The following ABCA6 variants were observed in gnomAD, a reference collection of about 807,000 sequenced individuals.
The protein encoded by ABCA6 is ATP-binding cassette sub-family A member 6.
Under a neutral mutation model 191.2 loss-of-function variants are expected in ABCA6, and 164 were observed. That is an observed-to-expected ratio of 0.86 (90% CI 0.76 to 0.98). The LOEUF (loss-of-function observed/expected upper bound fraction) is 0.98. Ranked by LOEUF, ABCA6 falls within the 50% of genes least tolerant of loss-of-function variation. The pLI, the probability that ABCA6 is intolerant of heterozygous loss-of-function variation, is 0.00. For missense variants in ABCA6, 1,958 were observed against 1,894.1 expected, an observed-to-expected ratio of 1.03 and a Z score of -0.63; for synonymous variants, 636 against 647.7, an observed-to-expected ratio of 0.98 and a Z score of 0.27.
chr17:69,117,393 A>G (rs1309656927), intron 11 of ABCA6, among the ~76,000 whole-genome samples: 1 of 152,106 alleles, frequency 6.6e-6, no homozygotes, highest in African/African-American at 2.4e-5. Flanking sequence ...TCTGTTATAG[A>G]AAACTGTATG....
chr17:69,087,479 G>A lies in ABCA6; in HGVS notation c.3699-6C>T, dbSNP rs1031702129. On this transcript the variant is annotated splice_polypyrimidine_tract_variant and splice_region_variant and intron_variant, in intron 28 of 38. Coordinates refer to ENST00000284425, the MANE Select transcript of ABCA6 (RefSeq NM_080284.3). ...CTCTACTTTGGGGGGAAATTCTATG[G>A]AGAAAATGAAATGTGTTACATGTGG... 2 of 1,613,270 alleles carry A rather than the reference G, an allele frequency of 1.2e-6. No homozygotes were observed. The highest frequency in any genetic ancestry group is 1.7e-6 in the Non-Finnish European group (2 of 1,179,680).
intron 8 of ABCA6, 104 bp from the exon 9 acceptor site, chr17:69,125,139 TTAG>T: frequency 2.0e-6 from 1 of 496,504 alleles, no homozygotes; most frequent in East Asian, 3.7e-5. Context: ...CAAGAGGCAC[TTAG>T]TAGTTACTAG....
intron 8 of ABCA6, among the ~76,000 whole-genome samples, chr17:69,126,651 T>C (rs2073760625): frequency 6.6e-6 from 1 of 151,450 alleles, no homozygotes; most frequent in African/African-American, 2.4e-5. Context: ...CAAAATAAAA[T>C]AAAAATAAAA....
At chr17:69,124,110 A>G (rs779342022) in intron 9 of ABCA6, among the ~76,000 whole-genome samples, 3 of 151,982 alleles carry the variant, frequency 2.0e-5, no homozygotes, top group Non-Finnish European at 4.4e-5. Flanking sequence ...ATACATGGAG[A>G]AACTGTATTT....
intron 19 of ABCA6, 190 bp downstream of exon 19, chr17:69,105,836 AAC>A: frequency 1.4e-6 from 1 of 737,508 alleles, no homozygotes; most frequent in Non-Finnish European, 2.1e-6. Flanking sequence ...ATGAAAACAA[AAC>A]ACACCTGCAC....
Position 69,100,857 on chromosome 17 carries a change from C to T in ABCA6, c.2952G>A (p.Gly984=), listed in dbSNP as rs753595760. ...GTGTGTGATTAAACATTTGAAGTAG[C>T]CCATTGCTGATAATATTCATAAGAA... ...FPILMNIISN[G]LLQMFNHTQH... is the part of the protein sequence containing the mutation. The change falls in exon 22 of 39, where the codon GGG becomes GGA. Residue 984 remains glycine (G), a synonymous_variant. Transcript: ENST00000284425. 5 of 1,612,340 alleles carry T rather than the reference C, an allele frequency of 3.1e-6. No homozygotes were observed. In the South Asian group the frequency reaches 5.5e-5, roughly 18 times the overall value.
chr17:69,080,303 G>T (rs769986588), intron 37 of ABCA6, among the ~76,000 whole-genome samples: 18 of 152,088 alleles, frequency 1.2e-4, no homozygotes, highest in African/African-American at 4.1e-4. Flanking sequence ...GAACCATCTA[G>T]ATATGCAGGG....
At position 69,101,273 on chromosome 17, in the gene ABCA6, CAAG is replaced by C. The variant is rs1335261321; in HGVS notation, c.2875-342_2875-340del. Among the ~76,000 whole-genome samples, 5 of 152,138 alleles carry C rather than the reference CAAG, an allele frequency of 3.3e-5. No homozygotes were observed. The East Asian group carries it at 9.7e-4, about 29-fold the overall frequency. On this transcript the variant is annotated intron_variant, in intron 21 of 38. Transcript: ENST00000284425. ...TAGTAGAGTTTAAAAGTCTCCCTGA[CAAG>C]GAGATGCTGTCAGTTTATGATGAAG...
intron 22 of ABCA6, 69 bp downstream of exon 22, chr17:69,100,728 C>A: frequency 7.0e-7 from 1 of 1,431,078 alleles, no homozygotes. Context: ...TATTTAAAAG[C>A]TAAAGAGAGA....
At chr17:69,116,581 G>T (rs1413584670) in intron 11 of ABCA6, among the ~76,000 whole-genome samples, 1 of 152,058 alleles carries the variant, frequency 6.6e-6, no homozygotes, top group African/African-American at 2.4e-5. Flanking sequence ...GTTCATTCTA[G>T]TATTTTTTAT....
chr17:69,090,831 G>T (rs1003277555), intron 26 of ABCA6, among the ~76,000 whole-genome samples: 1 of 152,142 alleles, frequency 6.6e-6, no homozygotes, highest in African/African-American at 2.4e-5. Context: ...TATTTGAATG[G>T]CATTTGACAA....
intron 8 of ABCA6, among the ~76,000 whole-genome samples, chr17:69,126,597 G>C (rs545705873): frequency 1.3e-5 from 2 of 152,148 alleles, no homozygotes; most frequent in Admixed American, 1.3e-4. Context: ...GCAGTGAGCT[G>C]TGTTTGTATA....
At position 69,123,247 on chromosome 17, in the gene ABCA6, T is replaced by A. The variant is rs1266625010; in HGVS notation, c.1428A>T (p.Glu476Asp). The change falls in exon 10 of 39, where the codon GAA becomes GAT. Residue 476 changes from glutamate (E) to aspartate (D), a missense_variant. Coordinates refer to ENST00000284425, the MANE Select transcript of ABCA6 (RefSeq NM_080284.3). ...EPVAPEFQGK[E>D]AIRIRNVKKE... ...CTTATAAGTGTGATTACCTGATGGC[T>A]TCTTTTCCTTGGAATTCAGGAGCTA... 1 of 1,486,944 alleles carries A rather than the reference T, an allele frequency of 6.7e-7. No homozygotes were observed. Among genetic ancestry groups the A allele is most frequent in the Admixed American group, 1.9e-5 (1 of 52,330 alleles). The allele number at this position is 1,486,944 out of a possible 1,614,324, so 92.1% of individuals were successfully genotyped here.
intron 22 of ABCA6, among the ~76,000 whole-genome samples, chr17:69,100,064 T>C (rs1413757575): frequency 6.6e-6 from 1 of 152,144 alleles, no homozygotes; most frequent in Non-Finnish European, 1.5e-5. Flanking sequence ...TACGTTAAGT[T>C]CTTAGAGTGC....
intron 9 of ABCA6, 99 bp from the exon 10 acceptor site, chr17:69,123,506 C>G (rs1281336064): frequency 1.3e-6 from 1 of 783,418 alleles, no homozygotes; most frequent in East Asian, 3.3e-5. Context: ...AAGTTTTAAG[C>G]ATCATAGAGA....
intron 19 of ABCA6, 73 bp from the exon 20 acceptor site, chr17:69,105,701 T>C: frequency 8.7e-7 from 1 of 1,154,730 alleles, no homozygotes; most frequent in Non-Finnish European, 1.2e-6. Context: ...TCCACAAGTA[T>C]TTGTTGAGTG....
At chr17:69,086,829 T>C in intron 29 of ABCA6, 94 bp from the exon 30 acceptor site, 1 of 720,500 alleles carries the variant, frequency 1.4e-6, no homozygotes, top group Admixed American at 2.6e-5. Context: ...AGCCAAACCA[T>C]ATTTTGAGTT....
chr17:69,139,988 C>T (rs1040319934), intron 2 of ABCA6, among the ~76,000 whole-genome samples: 2 of 150,698 alleles, frequency 1.3e-5, no homozygotes, highest in Non-Finnish European at 3.0e-5. Context: ...AGGAGATATA[C>T]CTAATGCTAA....
intron 22 of ABCA6, 109 bp from the exon 23 acceptor site, chr17:69,098,136 G>A (rs1021058608): frequency 5.7e-6 from 4 of 706,180 alleles, no homozygotes; most frequent in Non-Finnish European, 8.5e-6. Flanking sequence ...AAGTAAAGGT[G>A]TAGCTCATTA....
Sources: gnomAD v4.1 joint callset for allele counts (sites outside exome capture counted in the v4.1 genomes callset) on GRCh38, gnomAD v4.1.1 for gene constraint, MANE v1.5 for transcripts, NCBI Gene and HGNC (gene_info 2026-07-23, HGNC 2026-07-21) for gene names.